The following SNAP91 variants were observed in gnomAD, a reference collection of about 807,000 sequenced individuals.
SNAP91 encodes the protein clathrin coat assembly protein AP180.
SNAP91 carries 27 observed loss-of-function variants against 100.3 expected under a neutral mutation model. The ratio of observed to expected loss-of-function variants is 0.27; its 90% CI spans 0.20 to 0.37. The LOEUF (loss-of-function observed/expected upper bound fraction) is 0.37. Among genes scored for constraint, SNAP91 ranks in the 10% least tolerant of loss-of-function variants. The pLI, the probability that SNAP91 is intolerant of heterozygous loss-of-function variation, is 1.00. For synonymous variants in SNAP91, 404 were observed against 398.6 expected, an observed-to-expected ratio of 1.01 and a Z score of -0.16; for missense variants, 986 against 1,123.7, an observed-to-expected ratio of 0.88 and a Z score of 1.75.
chr6:83,557,391 T>TTC (rs1780359987), intron 28 of SNAP91, among the ~76,000 whole-genome samples: 1 of 151,952 alleles, frequency 6.6e-6, no homozygotes, highest in Admixed American at 6.6e-5. Context: ...ATGGGCTGGG[T>TTC]GTGATGGCTC....
Position 83,591,232 on chromosome 6 carries a change from C to T in SNAP91, c.1993G>A (p.Ala665Thr). 6.2e-7 allele frequency: 1 copy of T among 1,611,288 alleles called. No homozygotes were observed. The highest frequency in any genetic ancestry group is 8.5e-7 in the Non-Finnish European group (1 of 1,177,744). Residue 665 changes from alanine to threonine, a missense_variant, in exon 22 of 30, where the codon GCA becomes ACA. Around this residue, in one of 4 missense-constraint regions of SNAP91, gnomAD observed 575 missense variants for 579.9 expected, o/e 0.99. Transcript: ENST00000369694. ...PASQAASSSS[A>T]SADLLAGFGG... ...TTACCAGCTAGTAGGTCTGCCGATG[C>T]TGATGAACTAGAAGCAGCCTGAGAT...
At chr6:83,618,216 A>G (rs918427846) in intron 9 of SNAP91, among the ~76,000 whole-genome samples, 6 of 151,938 alleles carry the variant, frequency 3.9e-5, no homozygotes, top group African/African-American at 7.2e-5. Flanking sequence ...TAATTATGTG[A>G]TTATTATAAG....
rs185459445 is a variant in SNAP91 at position 83,614,777 on chromosome 6, C to T, written c.884+80G>A. 910 of 1,028,620 alleles carry T rather than the reference C, an allele frequency of 8.8e-4. 5 individuals are homozygous for T. The Middle Eastern group carries it at 0.018, about 20-fold the overall frequency. 63.7% of individuals were successfully genotyped at this position (1,028,620 alleles called of 1,614,324 possible). A position where few individuals can be genotyped will look rare whatever the true frequency, so the allele number is the denominator to read the frequency against. ...AAATCAGTTTTAAATCTTCTAAATA[C>T]CAAATGTGGAATCTTAAGAGTGTTT... On this transcript the variant is annotated intron_variant, in intron 11 of 29. Transcript: ENST00000369694.
At chr6:83,560,735 G>T in intron 27 of SNAP91, 129 bp downstream of exon 27, 2 of 761,670 alleles carry the variant, frequency 2.6e-6, no homozygotes, top group Non-Finnish European at 4.5e-6. Context: ...TAAAGCAGAT[G>T]ACAACTTTTT....
At chr6:83,623,446 G>A in intron 8 of SNAP91, 104 bp from the exon 9 acceptor site, 2 of 771,858 alleles carry the variant, frequency 2.6e-6, no homozygotes. Flanking sequence ...CAATATTGGT[G>A]TAAATGAATT....
At chr6:83,611,370 T>C (rs2096061029) in intron 11 of SNAP91, 10 of 413,854 alleles carry the variant, frequency 2.4e-5, no homozygotes, top group South Asian at 1.8e-4. Context: ...GTTATATTAC[T>C]GGTAGCATTG....
chr6:83,567,590 C>T (rs938791376), intron 26 of SNAP91, among the ~76,000 whole-genome samples: 1 of 151,998 alleles, frequency 6.6e-6, no homozygotes, highest in Admixed American at 6.6e-5. Context: ...AAAATTTTTG[C>T]GATCTACTCA....
At chr6:83,611,204 T>TC (rs138530583) in intron 11 of SNAP91, among the ~76,000 whole-genome samples, 2,041 of 151,020 alleles carry the variant, frequency 0.014, 35 homozygotes, top group African/African-American at 0.046. Flanking sequence ...AAGTCTGTTT[T>TC]CCCCCCCCAT....
chr6:83,575,171 G>GA, intron 25 of SNAP91, 50 bp from the exon 26 acceptor site: 3 of 1,269,162 alleles, frequency 2.4e-6, no homozygotes, highest in African/African-American at 1.5e-5. Flanking sequence ...TCACAAATCA[G>GA]AAAAAAATGG....
chr6:83,596,207 A>C (rs555768776), intron 16 of SNAP91, among the ~76,000 whole-genome samples: 1 of 152,178 alleles, frequency 6.6e-6, no homozygotes, highest in African/African-American at 2.4e-5. Flanking sequence ...GGCCTACAGC[A>C]CTATGCCCAG....
chr6:83,562,247 C>T (rs35616520), intron 26 of SNAP91, among the ~76,000 whole-genome samples: 25,953 of 151,974 alleles, frequency 0.17, 2,376 homozygotes, highest in South Asian at 0.25. Context: ...AAAACTACAG[C>T]GCGATATTCC....
chr6:83,569,585 T>C (rs1322409934), intron 26 of SNAP91, among the ~76,000 whole-genome samples: 2 of 152,218 alleles, frequency 1.3e-5, no homozygotes, highest in South Asian at 2.1e-4. Flanking sequence ...TCTGGGTTAG[T>C]GGCCTCATTA....
intron 2 of SNAP91, among the ~76,000 whole-genome samples, chr6:83,688,356 A>G (rs1045212207): frequency 2.0e-5 from 3 of 152,200 alleles, no homozygotes; most frequent in Non-Finnish European, 4.4e-5. Context: ...ACTGCTTAAT[A>G]AAATAAAACT....
chr6:83,707,854 G>A lies in SNAP91; in HGVS notation c.74C>T (p.Ala25Val), dbSNP rs2099401157. ...YSVTGSAVAR[A>V]VCKATTHEVM... Reference sequence around the variant, plus strand: ...TTCATGAGTAGTGGCTTTGCAGACCGCTCTTGCTACAGCAGAGCCTGTAAC... The same window carrying A: ...TTCATGAGTAGTGGCTTTGCAGACCACTCTTGCTACAGCAGAGCCTGTAAC... Residue 25 changes from alanine to valine, a missense_variant, in exon 2 of 30, where the codon GCG becomes GTG. Around this residue, in one of 4 missense-constraint regions of SNAP91, gnomAD observed 330 missense variants for 447.5 expected, o/e 0.74. Transcript: ENST00000369694. 3.7e-6 allele frequency: 6 copies of A among 1,612,578 alleles called. No homozygotes were observed. The East Asian group carries it at 6.7e-5, about 18-fold the overall frequency.
intron 2 of SNAP91, among the ~76,000 whole-genome samples, chr6:83,675,295 C>G (rs1438860867): frequency 6.6e-6 from 1 of 152,066 alleles, no homozygotes; most frequent in African/African-American, 2.4e-5. Context: ...ATAATGTGAG[C>G]TTTAAAATAC....
At chr6:83,694,488 A>C (rs2099169466) in intron 2 of SNAP91, among the ~76,000 whole-genome samples, 1 of 152,170 alleles carries the variant, frequency 6.6e-6, no homozygotes, top group African/African-American at 2.4e-5. Flanking sequence ...GTTCTGGTTG[A>C]GACTGACAAT....
At chr6:83,686,388 G>T (rs1392461379) in intron 2 of SNAP91, among the ~76,000 whole-genome samples, 1 of 152,148 alleles carries the variant, frequency 6.6e-6, no homozygotes, top group African/African-American at 2.4e-5. Context: ...GGCTACAGAG[G>T]TATTTAACAA....
In SNAP91 at chr6:83,687,525, G is replaced by A. The variant is rs58601000; in HGVS notation, c.130+20273C>T. Among the ~76,000 whole-genome samples the A allele has an allele frequency of 3.1e-3, 470 of 152,082 alleles. 3 individuals are homozygous for A. The highest frequency in any genetic ancestry group is 0.011 in the African/African-American group (440 of 41,520). On this transcript the variant is annotated intron_variant, in intron 2 of 29. Coordinates refer to ENST00000369694, the MANE Select transcript of SNAP91 (RefSeq NM_001242792.2). ...TCCCTCTCCAGTGTAAGCTCATCTC[G>A]GGCAGAGGCCACTTCACTCATTCAC...
At chr6:83,682,076 A>G (rs930109050) in intron 2 of SNAP91, among the ~76,000 whole-genome samples, 2 of 152,024 alleles carry the variant, frequency 1.3e-5, no homozygotes, top group Admixed American at 6.6e-5. Context: ...CTGGAGAAAA[A>G]AAGAGTCCTT....
Sources: allele counts gnomAD v4.1 joint callset (sites outside exome capture counted in the v4.1 genomes callset), GRCh38; gene constraint gnomAD v4.1.1; regional missense constraint gnomAD v4.1.1; transcripts MANE v1.5; gene names NCBI Gene and HGNC (gene_info 2026-07-23, HGNC 2026-07-21).